The following NBPF8 variants were observed in gnomAD, a reference collection of about 807,000 sequenced individuals.
The protein encoded by NBPF8 is NBPF family member NBPF8.
intron 3 of NBPF8, among the ~76,000 whole-genome samples, chr1:120,430,991 T>A (rs1660859665): frequency 1.3e-5 from 2 of 151,428 alleles, no homozygotes; most frequent in African/African-American, 4.8e-5. Flanking sequence ...ATTTACAAGA[T>A]GATTCTACCA....
At chr1:120,436,425 G>C in exon 1 of NBPF8, 2 of 1,200,872 alleles carry the variant, frequency 1.7e-6, no homozygotes, top group Admixed American at 3.8e-5. Context: ...CCTCAGTCCT[G>C]ATTAAACCTA....
downstream of NBPF8, among the ~76,000 whole-genome samples, chr1:120,468,333 T>C (rs1486706756): frequency 3.3e-5 from 5 of 151,874 alleles, no homozygotes; most frequent in Admixed American, 1.3e-4. Context: ...CATCACTTGC[T>C]GAGTGGTACT....
intron 3 of NBPF8, among the ~76,000 whole-genome samples, chr1:120,431,280 T>C (rs1391192706): frequency 4.2e-4 from 56 of 132,828 alleles, no homozygotes; most frequent in Non-Finnish European, 8.1e-4. Flanking sequence ...TGTGTGTGTG[T>C]GTATATTCAC....
chr1:120,454,378 C>G (rs1553249430), intron 15 of NBPF8, among the ~76,000 whole-genome samples: 2 of 152,064 alleles, frequency 1.3e-5, no homozygotes, highest in African/African-American at 4.8e-5. Flanking sequence ...ATCTGTCAGG[C>G]CTCCTAGCTT....
chr1:120,464,463 T>A (rs1661686984), exon 23 of NBPF8: 1 of 879,396 alleles, frequency 1.1e-6, no homozygotes, highest in African/African-American at 1.7e-5. Context: ...CCAGTTGTCT[T>A]GAACAGCCTG....
intron 1 of NBPF8, among the ~76,000 whole-genome samples, chr1:120,421,457 T>C (rs1175549594): frequency 6.7e-6 from 1 of 148,372 alleles, no homozygotes; most frequent in Admixed American, 6.7e-5. Flanking sequence ...CTTCCCTCCC[T>C]TCCTTTCTTC....
chr1:120,449,669 T>C (rs1487311226), intron 11 of NBPF8, among the ~76,000 whole-genome samples: 15 of 152,164 alleles, frequency 9.9e-5, no homozygotes, highest in African/African-American at 3.4e-4. Flanking sequence ...ATGACCTGTT[T>C]TCTCCAAGAG....
At chr1:120,422,902 C>T (rs1327653781) in intron 1 of NBPF8, among the ~76,000 whole-genome samples, 1 of 110,070 alleles carries the variant, frequency 9.1e-6, no homozygotes, top group Non-Finnish European at 1.8e-5. Flanking sequence ...GAGCATCTTT[C>T]TCATATGCTT....
At chr1:120,420,883 G>T (rs1470095508) in intron 1 of NBPF8, among the ~76,000 whole-genome samples, 1 of 147,608 alleles carries the variant, frequency 6.8e-6, no homozygotes, top group Non-Finnish European at 1.5e-5. Context: ...GGCATTGAGA[G>T]GGGGAGAAAG....
intron 3 of NBPF8, among the ~76,000 whole-genome samples, chr1:120,428,618 G>C (rs1326145794): frequency 6.6e-6 from 1 of 152,194 alleles, no homozygotes; most frequent in East Asian, 1.9e-4. Context: ...GAGGCTTGTG[G>C]GCTATGTCTG....
At chr1:120,415,380 C>T (rs1381792712), upstream of NBPF8, among the ~76,000 whole-genome samples, 28 of 128,246 alleles carry the variant, frequency 2.2e-4, no homozygotes, top group African/African-American at 7.8e-4. Context: ...CGACGGAGGG[C>T]GAGGCGGGGT....
At chr1:120,424,000 G>A (rs1660641698) in intron 1 of NBPF8, among the ~76,000 whole-genome samples, 1 of 151,824 alleles carries the variant, frequency 6.6e-6, no homozygotes, top group Non-Finnish European at 1.5e-5. Flanking sequence ...ACAACCCAAT[G>A]ATGTAAGTTG....
At chr1:120,420,915 A>G (rs2101450264) in intron 1 of NBPF8, among the ~76,000 whole-genome samples, 1 of 146,086 alleles carries the variant, frequency 6.8e-6, no homozygotes, top group African/African-American at 2.6e-5. Context: ...GCCTGTTTGT[A>G]TCCTTCTCAC....
At chr1:120,436,780 A>G in intron 1 of NBPF8, 83 bp downstream of exon 4, 1 of 692,888 alleles carries the variant, frequency 1.4e-6, no homozygotes, top group Non-Finnish European at 2.5e-6. Flanking sequence ...CTCTCCATCA[A>G]AAATAATTTC....
chr1:120,426,164 GT>G (rs1660722926), intron 2 of NBPF8, among the ~76,000 whole-genome samples: 1 of 149,288 alleles, frequency 6.7e-6, no homozygotes, highest in African/African-American at 2.5e-5. Flanking sequence ...TCCTATTCTT[GT>G]TTGTGGGGGA....
exon 17 of NBPF8, chr1:120,459,528 G>A (rs1661514449): frequency 7.0e-7 from 1 of 1,431,706 alleles, no homozygotes; most frequent in Non-Finnish European, 9.8e-7. Context: ...GTTGACATAG[G>A]CAGTGAGTAC....
intron 11 of NBPF8, among the ~76,000 whole-genome samples, chr1:120,449,738 T>C (rs1276639590): frequency 1.1e-4 from 16 of 152,280 alleles, no homozygotes; most frequent in African/African-American, 3.9e-4. Context: ...ACAAATAACA[T>C]CTAGTCTGTT....
intron 13 of NBPF8, 111 bp downstream of exon 11, chr1:120,452,442 TTA>T (rs1354774305): frequency 1.5e-6 from 1 of 680,852 alleles, no homozygotes; most frequent in East Asian, 2.8e-5. Context: ...TCCACTAAGC[TTA>T]TGTGGCCATG....
At chr1:120,468,350 T>TAA (rs1661806439), downstream of NBPF8, among the ~76,000 whole-genome samples, 1 of 151,608 alleles carries the variant, frequency 6.6e-6, no homozygotes, top group South Asian at 2.1e-4. Flanking sequence ...TACTCATCCT[T>TAA]AACAGAGTCC....
Sources: gnomAD v4.1 joint callset for allele counts (sites outside exome capture counted in the v4.1 genomes callset) on GRCh38, gnomAD v4.1.1 for gene constraint, MANE v1.5 for transcripts, NCBI Gene and HGNC (gene_info 2026-07-23, HGNC 2026-07-21) for gene names.